Variants in SLIT3 observed in about 807,000 individuals in gnomAD.
SLIT3 encodes slit guidance ligand 3.
A neutral mutation model predicts 184.0 loss-of-function variants in SLIT3; 68 were observed. The ratio of observed to expected loss-of-function variants is 0.37; its 90% CI spans 0.30 to 0.45. The LOEUF is 0.45. Among genes scored for constraint, SLIT3 ranks in the 20% least tolerant of loss-of-function variants. SLIT3 has a pLI of 1.00. For missense variants in SLIT3, 1,707 were observed against 2,026.0 expected (o/e 0.84, Z 3.02); for synonymous variants, 831 against 828.6 (o/e 1.00, Z -0.05).
intron 20 of SLIT3, among the ~76,000 whole-genome samples, chr5:168,729,076 A>G (rs926909384): frequency 3.9e-5 from 6 of 152,096 alleles, no homozygotes; most frequent in Non-Finnish European, 2.9e-5. Context: ...TTTTAAAATA[A>G]TCCAGTCAGA....
intron 5 of SLIT3, among the ~76,000 whole-genome samples, chr5:168,851,039 T>C (rs1001601397): frequency 6.6e-6 from 1 of 152,150 alleles, no homozygotes; most frequent in Non-Finnish European, 1.5e-5. Context: ...TCATTAAAGA[T>C]AGGGCCAGGT....
intron 4 of SLIT3, among the ~76,000 whole-genome samples, chr5:169,183,064 T>C (rs539568587): frequency 5.7e-4 from 87 of 152,262 alleles, no homozygotes; most frequent in Middle Eastern, 3.4e-3. Context: ...CCCACACTTA[T>C]ACCCTCCGGG....
intron 4 of SLIT3, among the ~76,000 whole-genome samples, chr5:169,078,606 C>T (rs1199243895): frequency 2.0e-5 from 3 of 152,196 alleles, no homozygotes; most frequent in Non-Finnish European, 4.4e-5. Flanking sequence ...CTATCACCTT[C>T]CTTTCTTTAC....
chr5:169,192,794 A>T (rs1278623948), intron 4 of SLIT3, among the ~76,000 whole-genome samples: 2 of 152,170 alleles, frequency 1.3e-5, no homozygotes, highest in Non-Finnish European at 2.9e-5. Context: ...ACTGTCGATA[A>T]TTTAATTAGC....
chr5:169,034,879 T>C (rs1322906389), intron 4 of SLIT3, among the ~76,000 whole-genome samples: 2 of 150,974 alleles, frequency 1.3e-5, no homozygotes, highest in Non-Finnish European at 2.9e-5. Context: ...CTTAAGTAGC[T>C]GGGACTGCAG....
intron 12 of SLIT3, among the ~76,000 whole-genome samples, chr5:168,778,241 TG>T (rs1755828492): frequency 6.6e-6 from 1 of 152,208 alleles, no homozygotes; most frequent in African/African-American, 2.4e-5. Context: ...AACAGCACTA[TG>T]ATTATCTTCA....
chr5:168,873,849 A>G (rs1006554759), intron 5 of SLIT3, among the ~76,000 whole-genome samples: 1 of 152,156 alleles, frequency 6.6e-6, no homozygotes, highest in Non-Finnish European at 1.5e-5. Flanking sequence ...ACTTTTAATC[A>G]CTATACTCAC....
chr5:168,689,474 C>G (rs1047593326), intron 29 of SLIT3, among the ~76,000 whole-genome samples: 1 of 152,202 alleles, frequency 6.6e-6, no homozygotes, highest in African/African-American at 2.4e-5. Flanking sequence ...ACAGCCCCAC[C>G]CCTTTATATG....
At chr5:169,135,852 A>G (rs1240348383) in intron 4 of SLIT3, among the ~76,000 whole-genome samples, 1 of 152,212 alleles carries the variant, frequency 6.6e-6, no homozygotes, top group South Asian at 2.1e-4. Flanking sequence ...TAAGTAGGAT[A>G]GAATCACTTT....
intron 3 of SLIT3, among the ~76,000 whole-genome samples, chr5:169,241,678 A>G (rs1224922558): frequency 6.6e-6 from 1 of 151,644 alleles, no homozygotes; most frequent in Non-Finnish European, 1.5e-5. Flanking sequence ...TTAGGAGCTA[A>G]ATGGGACATG....
chr5:168,959,164 G>A (rs553348679), intron 4 of SLIT3, among the ~76,000 whole-genome samples: 5 of 152,344 alleles, frequency 3.3e-5, no homozygotes, highest in African/African-American at 1.2e-4. Flanking sequence ...TGGCGAATTA[G>A]AAATACCACA....
intron 26 of SLIT3, among the ~76,000 whole-genome samples, chr5:168,701,753 T>C (rs1243171428): frequency 6.6e-6 from 1 of 152,210 alleles, no homozygotes; most frequent in East Asian, 1.9e-4. Context: ...CTGCATCCTT[T>C]CTGGGCCCTG....
At chr5:168,801,635 C>T (rs1756769651) in intron 9 of SLIT3, among the ~76,000 whole-genome samples, 1 of 152,200 alleles carries the variant, frequency 6.6e-6, no homozygotes, top group Non-Finnish European at 1.5e-5. Flanking sequence ...CTTTTGAAGA[C>T]TCATGAGGGC....
intron 4 of SLIT3, among the ~76,000 whole-genome samples, chr5:168,968,657 A>C (rs1257288632): frequency 6.6e-6 from 1 of 152,132 alleles, no homozygotes; most frequent in Non-Finnish European, 1.5e-5. Flanking sequence ...TGTCAACCAA[A>C]ACTGGTCTTC....
intron 32 of SLIT3, among the ~76,000 whole-genome samples, chr5:168,679,615 T>G (rs1761520200): frequency 6.6e-6 from 1 of 152,142 alleles, no homozygotes; most frequent in Non-Finnish European, 1.5e-5. Context: ...TGCTCTAACC[T>G]GAATGCTGAG....
chr5:169,150,167 C>G (rs1762066307), intron 4 of SLIT3, among the ~76,000 whole-genome samples: 1 of 152,116 alleles, frequency 6.6e-6, no homozygotes, highest in South Asian at 2.1e-4. Flanking sequence ...TTTATGAAGA[C>G]CTCTGCAAAT....
chr5:169,079,598 GGGA>G (rs1213328673), intron 4 of SLIT3, among the ~76,000 whole-genome samples: 2 of 127,624 alleles, frequency 1.6e-5, no homozygotes, highest in Non-Finnish European at 3.4e-5. Flanking sequence ...AGGAGGAGGA[GGGA>G]GGAGGAGGAG....
intron 15 of SLIT3, 58 bp from the exon 16 acceptor site, chr5:168,760,994 C>T (rs557699107): frequency 1.6e-6 from 2 of 1,287,704 alleles, no homozygotes; most frequent in South Asian, 1.2e-5. Context: ...CTCCTTCCAC[C>T]CCCCATGGCT....
intron 5 of SLIT3, among the ~76,000 whole-genome samples, chr5:168,880,580 T>C (rs1759915425): frequency 6.6e-6 from 1 of 152,284 alleles, no homozygotes; most frequent in Non-Finnish European, 1.5e-5. Flanking sequence ...TAAATACCTT[T>C]CATGCATCAA....
Sources: gnomAD v4.1 joint callset for allele counts (sites outside exome capture counted in the v4.1 genomes callset) on GRCh38, gnomAD v4.1.1 for gene constraint, MANE v1.5 for transcripts, NCBI Gene and HGNC (gene_info 2026-07-23, HGNC 2026-07-21) for gene names.